The following SORBS2 variants were observed in gnomAD, a reference collection of about 807,000 sequenced individuals.
SORBS2 encodes sorbin and SH3 domain containing 2.
A neutral mutation model predicts 97.7 loss-of-function variants in SORBS2; 46 were observed. The observed-to-expected ratio is 0.47, with a 90% CI of 0.37 to 0.60. The LOEUF is 0.60. Among genes scored for constraint, SORBS2 ranks in the 20% least tolerant of loss-of-function variants. The pLI is 0.00. For synonymous variants in SORBS2, 476 were observed against 473.4 expected (o/e 1.01, Z -0.07); for missense variants, 1,316 against 1,282.3 (o/e 1.03, Z -0.40).
At chr4:185,949,992 G>A (rs1415048298) in intron 1 of SORBS2, among the ~76,000 whole-genome samples, 1 of 152,152 alleles carries the variant, frequency 6.6e-6, no homozygotes, top group African/African-American at 2.4e-5. Flanking sequence ...AGTGGCTCAC[G>A]GCCATAATCC....
At chr4:185,629,763 A>T (rs1257239718) in intron 5 of SORBS2, among the ~76,000 whole-genome samples, 3 of 151,998 alleles carry the variant, frequency 2.0e-5, no homozygotes, top group Non-Finnish European at 2.9e-5. Flanking sequence ...GGGTTTCACC[A>T]TGATGGCCAG....
chr4:185,754,822 G>A (rs371760758), intron 2 of SORBS2, among the ~76,000 whole-genome samples: 6 of 152,220 alleles, frequency 3.9e-5, no homozygotes, highest in Non-Finnish European at 5.9e-5. Context: ...TGAGAGGAGC[G>A]AGAATGTACA....
Position 185,938,397 on chromosome 4 carries a change from C to T in SORBS2, c.-338+17799G>A, listed in dbSNP as rs937143301. Among the ~76,000 whole-genome samples the T allele has an allele frequency of 6.6e-4, 87 of 132,114 alleles. 1 individual carries two copies. Among genetic ancestry groups the T allele is most frequent in the African/African-American group, 2.6e-3 (77 of 29,506 alleles). 86.7% of individuals were successfully genotyped at this position (132,114 alleles called of 152,430 possible). On this transcript the variant is annotated intron_variant, in intron 1 of 20. Coordinates refer to the SORBS2 transcript ENST00000284776. Reference sequence around the variant, plus strand: ...AGAAAAATGTAGACACATACACACACACACACACACACACACACACACACA... The same window carrying T: ...AGAAAAATGTAGACACATACACACATACACACACACACACACACACACACA...
rs1298158513 is a variant in SORBS2 at position 185,799,611 on chromosome 4, CA to C, written c.-337-24246del. On this transcript the variant is annotated intron_variant, in intron 1 of 20. Coordinates refer to the SORBS2 transcript ENST00000284776. ...TAAACTACACATGTACCTGGCTTCT[CA>C]AGACTCCAGAGTTTACTTAGAGATG... Among the ~76,000 whole-genome samples the C allele has an allele frequency of 3.3e-5, 5 of 152,288 alleles. No homozygotes were observed. In the East Asian group the frequency reaches 9.6e-4, roughly 29 times the overall value.
Position 185,839,575 on chromosome 4 carries a change from G to A in SORBS2, c.-337-64209C>T, listed in dbSNP as rs76002375. ...TCCCTAGGGAGGAGGCCTGGGGAGA[G>A]CTTAAGAGAGGAATGTACTCCAAGC... On this transcript the variant is annotated intron_variant, in intron 1 of 20. Coordinates refer to the SORBS2 transcript ENST00000284776. Among the ~76,000 whole-genome samples the A allele has an allele frequency of 3.9e-5, 6 of 152,306 alleles. 1 individual carries two copies. The East Asian group carries it at 1.2e-3, about 29-fold the overall frequency.
intron 1 of SORBS2, among the ~76,000 whole-genome samples, chr4:185,781,101 C>T (rs1256535318): frequency 1.3e-5 from 2 of 152,032 alleles, no homozygotes; most frequent in African/African-American, 4.8e-5. Context: ...CCACACCTGG[C>T]TAATTTTTGT....
intron 1 of SORBS2, among the ~76,000 whole-genome samples, chr4:185,817,689 G>T (rs1267119894): frequency 2.0e-5 from 3 of 152,154 alleles, no homozygotes; most frequent in Admixed American, 2.0e-4. Context: ...ACAAAACCTG[G>T]CAAGAAGGAT....
Position 185,707,706 on chromosome 4 carries a change from T to C in SORBS2, c.-197-28884A>G, listed in dbSNP as rs1268565962. On this transcript the variant is annotated intron_variant, in intron 2 of 20. Coordinates refer to the SORBS2 transcript ENST00000284776. ...TAATTGACTCACAGTTCCACATGGC[T>C]GGGGAGGCCTCACAATCATGGCAGA... is the stretch of plus-strand genomic sequence containing the variant. Among the ~76,000 whole-genome samples, 3 of 152,128 alleles carry C rather than the reference T, an allele frequency of 2.0e-5. No individual in the cohort carries two copies. The East Asian group carries it at 5.8e-4, about 29-fold the overall frequency.
Position 185,606,562 on chromosome 4 carries a change from A to G in SORBS2, c.2796+5218T>C. On this transcript the variant is annotated intron_variant, in intron 12 of 14. Coordinates refer to ENST00000418609, the Ensembl canonical transcript of SORBS2. This position sits in a 1 kb window ranked among gnomAD's most constrained non-coding sequence, Gnocchi z 4.3. ...CATGGTAAGGCCGGTTAGTTCTTCC[A>G]TAATCAGACAAAATTAAAATACCTC... is the stretch of plus-strand genomic sequence containing the variant. The G allele has an allele frequency of 5.1e-6, 5 of 985,410 alleles. No homozygotes were observed. Among genetic ancestry groups the G allele is most frequent in the Non-Finnish European group, 6.0e-6 (5 of 829,920 alleles). The allele number at this position is 985,410 out of a possible 1,614,324, so 61.0% of individuals were successfully genotyped here.
At chr4:185,636,498 G>C (rs2097004794) in intron 4 of SORBS2, among the ~76,000 whole-genome samples, 1 of 152,052 alleles carries the variant, frequency 6.6e-6, no homozygotes, top group Middle Eastern at 3.2e-3. Context: ...GTTATATCCT[G>C]ATTTCTAAAA....
At chr4:185,639,115 C>T (rs2097083651) in intron 4 of SORBS2, 80 bp from the exon 14 acceptor site, 2 of 1,312,422 alleles carry the variant, frequency 1.5e-6, no homozygotes, top group South Asian at 3.0e-5. Flanking sequence ...TGGCAGCGCG[C>T]TGTGCCTGCG....
intron 2 of SORBS2, chr4:185,690,586 G>C: frequency 6.6e-7 from 1 of 1,511,210 alleles, no homozygotes; most frequent in Non-Finnish European, 9.0e-7. Context: ...ACCTTGGAGA[G>C]TTTGTTATTA....
intron 1 of SORBS2, among the ~76,000 whole-genome samples, chr4:185,893,313 G>A (rs111569416): frequency 2.6e-5 from 4 of 152,316 alleles, no homozygotes; most frequent in African/African-American, 9.6e-5. Context: ...CCTGGGGTAG[G>A]CGGGATGCAT....
chr4:185,938,423 C>T (rs2149991080), intron 1 of SORBS2, among the ~76,000 whole-genome samples: 1 of 151,694 alleles, frequency 6.6e-6, no homozygotes, highest in African/African-American at 2.4e-5. Flanking sequence ...CACACACACA[C>T]ACACACACCC....
chr4:185,911,472 AC>A (rs2099255033), intron 1 of SORBS2, among the ~76,000 whole-genome samples: 2 of 151,694 alleles, frequency 1.3e-5, no homozygotes. Context: ...CAGTCTTCCC[AC>A]CCCAGCCTCT....
intron 2 of SORBS2, among the ~76,000 whole-genome samples, chr4:185,735,116 A>C (rs958472634): frequency 3.9e-5 from 6 of 152,172 alleles, no homozygotes; most frequent in African/African-American, 1.4e-4. Context: ...GGATTGACCT[A>C]ATGAGCAGGA....
intron 1 of SORBS2, among the ~76,000 whole-genome samples, chr4:185,868,294 T>C (rs576930060): frequency 2.4e-4 from 37 of 151,448 alleles, no homozygotes; most frequent in Non-Finnish European, 5.0e-4. Flanking sequence ...GTAGCTGGGA[T>C]TACAGGCGTG....
At chr4:185,947,176 G>T (rs1056305372) in intron 1 of SORBS2, among the ~76,000 whole-genome samples, 5 of 152,246 alleles carry the variant, frequency 3.3e-5, no homozygotes, top group Admixed American at 2.6e-4. Context: ...TCCAGGAAAA[G>T]TGCAACCTGT....
chr4:185,816,953 G>A (rs1403621502), intron 1 of SORBS2, among the ~76,000 whole-genome samples: 1 of 152,154 alleles, frequency 6.6e-6, no homozygotes, highest in Non-Finnish European at 1.5e-5. Flanking sequence ...TAGAAATTCT[G>A]TATACTCTCT....
Sources: allele counts gnomAD v4.1 joint callset (sites outside exome capture counted in the v4.1 genomes callset), GRCh38; gene constraint gnomAD v4.1.1; non-coding constraint Gnocchi (gnomAD v3.1); transcripts MANE v1.5; gene names NCBI Gene and HGNC (gene_info 2026-07-23, HGNC 2026-07-21).